Variants in FNDC3A observed in about 807,000 individuals in gnomAD.
FNDC3A encodes the protein fibronectin type-III domain-containing protein 3A.
FNDC3A carries 32 observed loss-of-function variants against 148.9 expected under a neutral mutation model. That is an observed-to-expected ratio of 0.21 (90% CI 0.16 to 0.29). FNDC3A has a LOEUF of 0.29. Ranked by LOEUF, FNDC3A falls within the 10% of genes least tolerant of loss-of-function variation. The probability of loss-of-function intolerance (pLI) is 1.00; values close to 1 mark genes in which losing one functional copy is unlikely to be tolerated. For synonymous variants in FNDC3A, 472 were observed against 473.6 expected (o/e 1.00, Z 0.04); for missense variants, 1,191 against 1,452.8 (o/e 0.82, Z 2.93).
At chr13:49,136,259 T>A in intron 5 of FNDC3A, 73 bp from the exon 6 acceptor site, 1 of 1,270,150 alleles carries the variant, frequency 7.9e-7, no homozygotes, top group Non-Finnish European at 1.1e-6. Flanking sequence ...ATTTATTTTC[T>A]GTTCTTTTTT....
intron 1 of FNDC3A, among the ~76,000 whole-genome samples, chr13:48,986,557 G>C (rs1053406382): frequency 6.6e-6 from 1 of 151,552 alleles, no homozygotes; most frequent in Non-Finnish European, 1.5e-5. Flanking sequence ...CACCACACCC[G>C]GCTAATTTTT....
chr13:49,116,593 G>A (rs937642500), intron 4 of FNDC3A, among the ~76,000 whole-genome samples: 10 of 152,094 alleles, frequency 6.6e-5, no homozygotes, highest in African/African-American at 1.9e-4. Flanking sequence ...TCAGGAGTTC[G>A]AGACCAGCCT....
intron 2 of FNDC3A, among the ~76,000 whole-genome samples, chr13:49,031,834 G>T (rs1874143239): frequency 6.6e-6 from 1 of 151,920 alleles, no homozygotes; most frequent in African/African-American, 2.4e-5. Context: ...TTACTATCAG[G>T]AAACAAAAAT....
At chr13:49,099,794 C>T (rs1178946791) in intron 3 of FNDC3A, among the ~76,000 whole-genome samples, 3 of 151,850 alleles carry the variant, frequency 2.0e-5, no homozygotes, top group East Asian at 1.9e-4. Context: ...TTACACATCT[C>T]GATAAGAAAC....
chr13:49,120,388 G>A (rs1881254265), intron 4 of FNDC3A, among the ~76,000 whole-genome samples: 1 of 152,110 alleles, frequency 6.6e-6, no homozygotes, highest in South Asian at 2.1e-4. Context: ...GCAAAAACAT[G>A]CCAAATTGTA....
At chr13:49,112,095 T>C (rs1027364526) in intron 3 of FNDC3A, among the ~76,000 whole-genome samples, 1 of 152,218 alleles carries the variant, frequency 6.6e-6, no homozygotes, top group African/African-American at 2.4e-5. Flanking sequence ...CAATAACTTA[T>C]TATTCTGATG....
intron 8 of FNDC3A, among the ~76,000 whole-genome samples, chr13:49,165,541 C>T (rs989540295): frequency 2.0e-5 from 3 of 152,206 alleles, no homozygotes; most frequent in Admixed American, 6.5e-5. Context: ...GGCCTGTCCT[C>T]GGGCCTCAGT....
intron 3 of FNDC3A, among the ~76,000 whole-genome samples, chr13:49,078,059 C>T (rs1878232719): frequency 6.6e-6 from 1 of 152,096 alleles, no homozygotes; most frequent in South Asian, 2.1e-4. Flanking sequence ...TCAATAAATA[C>T]TGTTTATGGT....
At chr13:48,990,123 A>C (rs990132171) in intron 1 of FNDC3A, among the ~76,000 whole-genome samples, 1 of 152,192 alleles carries the variant, frequency 6.6e-6, no homozygotes, top group Non-Finnish European at 1.5e-5. Flanking sequence ...TGTCATTAGA[A>C]GCAATGTAAG....
At chr13:49,127,859 G>A (rs933875074) in intron 4 of FNDC3A, among the ~76,000 whole-genome samples, 2 of 151,844 alleles carry the variant, frequency 1.3e-5, no homozygotes, top group African/African-American at 4.8e-5. Context: ...GGAATCATCA[G>A]CTAATCTTGT....
In FNDC3A at chr13:49,145,811, AC is replaced by A; in HGVS notation, c.855del (p.Trp286GlyfsTer26). The A allele has an allele frequency of 6.2e-7, 1 of 1,613,898 alleles. No homozygotes were observed. The highest frequency in any genetic ancestry group is 8.5e-7 in the Non-Finnish European group (1 of 1,179,794). ...SDIQARTVVL[T>X]WSPPSSLING... ...CATCCAGGCAAGGACAGTAGTACTT[AC>A]CTGGTCACCACCTTCCAGCCTCATT... On this transcript the variant is annotated frameshift_variant, in exon 8 of 26. Transcript: ENST00000492622. LOFTEE classifies it high-confidence loss of function.
chr13:49,074,259 C>T (rs527850508), intron 2 of FNDC3A, among the ~76,000 whole-genome samples: 2 of 152,024 alleles, frequency 1.3e-5, no homozygotes, highest in African/African-American at 2.4e-5. Context: ...CCCCGCATCC[C>T]GAAAGTTGAT....
intron 2 of FNDC3A, among the ~76,000 whole-genome samples, chr13:49,064,411 C>CCCCCCCA (rs1555286179): frequency 5.6e-5 from 5 of 90,078 alleles, no homozygotes; most frequent in Non-Finnish European, 1.1e-4. Flanking sequence ...GCCCCCCCCC[C>CCCCCCCA]AAAAAAAAAA....
At chr13:49,029,414 G>A (rs1372186886) in intron 2 of FNDC3A, among the ~76,000 whole-genome samples, 2 of 152,084 alleles carry the variant, frequency 1.3e-5, no homozygotes, top group Non-Finnish European at 2.9e-5. Context: ...ATGAAATACT[G>A]CTGAAGTAAT....
chr13:48,989,454 G>A (rs958995297), intron 1 of FNDC3A, among the ~76,000 whole-genome samples: 5 of 152,126 alleles, frequency 3.3e-5, no homozygotes, highest in African/African-American at 1.2e-4. Context: ...CAAAAAGATT[G>A]AACATGTTAA....
intron 2 of FNDC3A, among the ~76,000 whole-genome samples, chr13:49,037,793 A>G (rs1326637845): frequency 2.0e-5 from 3 of 152,218 alleles, no homozygotes; most frequent in Non-Finnish European, 4.4e-5. Flanking sequence ...TGCAGGAGCC[A>G]GAGCAAGCAC....
chr13:49,024,988 T>G (rs1303893278), intron 2 of FNDC3A, among the ~76,000 whole-genome samples: 2 of 152,086 alleles, frequency 1.3e-5, no homozygotes, highest in Non-Finnish European at 2.9e-5. Context: ...TGTTATTTTC[T>G]TCAGTGTCTT....
intron 14 of FNDC3A, among the ~76,000 whole-genome samples, chr13:49,182,277 C>T (rs999857721): frequency 5.9e-5 from 9 of 152,136 alleles, no homozygotes; most frequent in Non-Finnish European, 8.8e-5. Context: ...GCATGAGCCA[C>T]GACACCCGGC....
At chr13:49,085,344 C>T (rs1363186919) in intron 3 of FNDC3A, among the ~76,000 whole-genome samples, 1 of 152,212 alleles carries the variant, frequency 6.6e-6, no homozygotes, top group Non-Finnish European at 1.5e-5. Flanking sequence ...CCTTGTCCTT[C>T]TCTCATGTTC....
Sources: allele counts gnomAD v4.1 joint callset (sites outside exome capture counted in the v4.1 genomes callset), GRCh38; gene constraint gnomAD v4.1.1; transcripts MANE v1.5; gene names NCBI Gene and HGNC (gene_info 2026-07-23, HGNC 2026-07-21).